The following CCDC192 variants were observed in gnomAD, a reference collection of about 807,000 sequenced individuals.
CCDC192 encodes coiled-coil domain containing 192, also known as coiled-coil domain-containing protein 192.
chr5:127,921,884 T>C (rs1753732396), intron 6 of CCDC192, among the ~76,000 whole-genome samples: 1 of 152,204 alleles, frequency 6.6e-6, no homozygotes, highest in Admixed American at 6.5e-5. Context: ...CTTTGTGATG[T>C]ATGTGGTAGC....
chr5:127,734,915 G>A (rs1752880412), intron 2 of CCDC192, among the ~76,000 whole-genome samples: 1 of 150,904 alleles, frequency 6.6e-6, no homozygotes. Context: ...TTACTGTGCA[G>A]AAGCTCTTTA....
intron 5 of CCDC192, among the ~76,000 whole-genome samples, chr5:127,799,218 C>G (rs1476365533): frequency 6.6e-6 from 1 of 152,114 alleles, no homozygotes; most frequent in African/African-American, 2.4e-5. Flanking sequence ...GGTGACCATT[C>G]CTTTGGGGTT....
chr5:127,918,409 G>C (rs769443457), intron 6 of CCDC192, among the ~76,000 whole-genome samples: 1 of 152,012 alleles, frequency 6.6e-6, no homozygotes, highest in Non-Finnish European at 1.5e-5. Flanking sequence ...GTTAGCATGA[G>C]CAACATAAGA....
rs1351343762 is a variant in CCDC192, at chr5:127,836,897, A to G, written c.412-38641A>G. Among the ~76,000 whole-genome samples, 2 of 82,054 alleles carry G rather than the reference A, an allele frequency of 2.4e-5. 1 individual carries two copies. The highest frequency in any genetic ancestry group is 6.2e-4 in the East Asian group (2 of 3,204). The allele number at this position is 82,054 out of a possible 152,430, so 53.8% of individuals were successfully genotyped here. On this transcript the variant is annotated intron_variant, in intron 5 of 6. Coordinates refer to ENST00000514853, the MANE Select transcript of CCDC192 (RefSeq NM_001317938.2). ...AGACATTTTCCCCATTGCCTTGGTA[A>G]TTAACATTTGGCTTCTTGTTACTTA... is the stretch of plus-strand genomic sequence containing the variant.
At position 127,773,468 on chromosome 5, in the gene CCDC192, A is replaced by G. The variant is rs141598624; in HGVS notation, c.222+19093A>G. On this transcript the variant is annotated intron_variant, in intron 3 of 6. Coordinates refer to ENST00000514853, the MANE Select transcript of CCDC192 (RefSeq NM_001317938.2). ...TCCTCTCATCCCTTGACAATCACTA[A>G]TCTGTTTTCTGCCTTTATGGATTTA... Among the ~76,000 whole-genome samples the G allele has an allele frequency of 7.2e-4, 109 of 152,244 alleles. 1 individual carries two copies. Among genetic ancestry groups the G allele is most frequent in the African/African-American group, 2.6e-3 (106 of 41,556 alleles).
At chr5:127,860,328 G>A (rs1278615669) in intron 5 of CCDC192, among the ~76,000 whole-genome samples, 3 of 152,162 alleles carry the variant, frequency 2.0e-5, no homozygotes, top group African/African-American at 4.8e-5. Context: ...AGAAAAACAA[G>A]CTCTTTCTAA....
At chr5:127,786,723 T>A in intron 3 of CCDC192, 1 of 724,582 alleles carries the variant, frequency 1.4e-6, no homozygotes, top group Admixed American at 1.9e-5. Context: ...GTCCATCAAA[T>A]CTTCTCCATG....
chr5:127,832,270 A>C (rs925084422), intron 5 of CCDC192, among the ~76,000 whole-genome samples: 4 of 152,182 alleles, frequency 2.6e-5, no homozygotes, highest in African/African-American at 9.7e-5. Flanking sequence ...AAAAATAGGA[A>C]GTCTTGCAAA....
In CCDC192 at chr5:127,706,981, CAGAG is replaced by C. The variant is rs1223051657; in HGVS notation, c.63-721_63-718del. Among the ~76,000 whole-genome samples the C allele has an allele frequency of 1.1e-4, 16 of 152,204 alleles. No individual in the cohort carries two copies. The East Asian group carries it at 3.1e-3, about 29-fold the overall frequency. On this transcript the variant is annotated intron_variant, in intron 1 of 6. Transcript: ENST00000514853. The stretch of plus-strand genomic sequence containing the variant: ...TGGGAACTGAGTGAAGAAAGTATTT[CAGAG>C]AGAGAGTGATAAGTCATGTCAAAAG...
At chr5:127,748,752 C>T (rs1367253111) in intron 2 of CCDC192, among the ~76,000 whole-genome samples, 4 of 143,906 alleles carry the variant, frequency 2.8e-5, no homozygotes, top group African/African-American at 1.0e-4. Flanking sequence ...ATGGAATGTT[C>T]TTCCATTTGT....
At chr5:127,896,135 A>G (rs1580805451) in intron 6 of CCDC192, among the ~76,000 whole-genome samples, 1 of 152,206 alleles carries the variant, frequency 6.6e-6, no homozygotes, top group East Asian at 1.9e-4. Flanking sequence ...GCACTTACCC[A>G]TCAGACTAAT....
At chr5:127,806,440 C>G (rs1580690205) in intron 5 of CCDC192, among the ~76,000 whole-genome samples, 1 of 152,102 alleles carries the variant, frequency 6.6e-6, no homozygotes, top group Non-Finnish European at 1.5e-5. Context: ...GCTACCGTTG[C>G]AGGTGTCTAG....
chr5:127,822,741 G>C (rs1749348198), intron 5 of CCDC192, among the ~76,000 whole-genome samples: 1 of 152,118 alleles, frequency 6.6e-6, no homozygotes, highest in Non-Finnish European at 1.5e-5. Context: ...AGGGGTCCTA[G>C]GAAAGATTTC....
chr5:127,918,216 TA>T (rs1219307107), intron 6 of CCDC192, among the ~76,000 whole-genome samples: 3,322 of 100,384 alleles, frequency 0.033, 167 homozygotes, highest in African/African-American at 0.087. Context: ...CTTCAATTTG[TA>T]AAAAAAAAAA....
At chr5:127,898,530 A>T (rs914835779) in intron 6 of CCDC192, among the ~76,000 whole-genome samples, 7 of 152,220 alleles carry the variant, frequency 4.6e-5, no homozygotes, top group African/African-American at 1.4e-4. Context: ...AACTGAAATC[A>T]TGCCCTACTT....
chr5:127,808,927 A>G (rs994392753), intron 5 of CCDC192, among the ~76,000 whole-genome samples: 2 of 152,302 alleles, frequency 1.3e-5, no homozygotes, highest in South Asian at 4.1e-4. Context: ...TTTAATGTTG[A>G]TTTTTAAAAA....
At chr5:127,715,827 A>G (rs1751594511) in intron 2 of CCDC192, among the ~76,000 whole-genome samples, 1 of 152,186 alleles carries the variant, frequency 6.6e-6, no homozygotes, top group African/African-American at 2.4e-5. Context: ...ACAAAAGATC[A>G]TGTCATCTGT....
chr5:127,912,111 T>C (rs1454763271), intron 6 of CCDC192, among the ~76,000 whole-genome samples: 2 of 151,430 alleles, frequency 1.3e-5, no homozygotes, highest in East Asian at 1.9e-4. Flanking sequence ...TTTGTATTTT[T>C]ACTAGAGACA....
At chr5:127,786,506 A>G in intron 3 of CCDC192, 1 of 635,556 alleles carries the variant, frequency 1.6e-6, no homozygotes. Flanking sequence ...CAGCTTTGAA[A>G]CAGAATTTCT....
Sources: allele counts gnomAD v4.1 joint callset (sites outside exome capture counted in the v4.1 genomes callset), GRCh38; gene constraint gnomAD v4.1.1; transcripts MANE v1.5; gene names NCBI Gene and HGNC (gene_info 2026-07-23, HGNC 2026-07-21).